The following SUSD1 variants were observed in gnomAD, a reference collection of about 807,000 sequenced individuals.
The protein encoded by SUSD1 is sushi domain containing 1.
In SUSD1, 65 loss-of-function variants were observed where a neutral mutation model predicts 86.9. The observed-to-expected ratio is 0.75, with a 90% confidence interval of 0.61 to 0.92. SUSD1 has a LOEUF of 0.92. Ranked by LOEUF, SUSD1 falls within the 40% of genes least tolerant of loss-of-function variation. The probability of loss-of-function intolerance (pLI) is 0.00; values close to 1 mark genes in which losing one functional copy is unlikely to be tolerated. For synonymous variants in SUSD1, 346 were observed against 350.0 expected (o/e 0.99, Z 0.13); for missense variants, 850 against 929.7 (o/e 0.91, Z 1.11).
intron 10 of SUSD1, among the ~76,000 whole-genome samples, chr9:112,087,105 A>T (rs1830018015): frequency 6.6e-6 from 1 of 152,096 alleles, no homozygotes; most frequent in African/African-American, 2.4e-5. Context: ...TACATTAATA[A>T]ACTGAAATAA....
chr9:112,122,847 T>C (rs1831608750), intron 6 of SUSD1, among the ~76,000 whole-genome samples: 1 of 152,232 alleles, frequency 6.6e-6, no homozygotes, highest in Non-Finnish European at 1.5e-5. Context: ...AAAGACATTA[T>C]GCTTAGTGAA....
intron 8 of SUSD1, among the ~76,000 whole-genome samples, chr9:112,105,131 C>T (rs1830782839): frequency 6.6e-6 from 1 of 151,874 alleles, no homozygotes; most frequent in African/African-American, 2.4e-5. Context: ...GAAAGTGCAA[C>T]AGCAGAATTT....
At chr9:112,171,390 G>T (rs1432668586) in intron 1 of SUSD1, among the ~76,000 whole-genome samples, 1 of 152,116 alleles carries the variant, frequency 6.6e-6, no homozygotes, top group African/African-American at 2.4e-5. Flanking sequence ...TGTTTGGATG[G>T]TATTCATTTA....
intron 2 of SUSD1, among the ~76,000 whole-genome samples, chr9:112,151,864 G>A (rs1201207100): frequency 6.0e-5 from 9 of 151,070 alleles, no homozygotes; most frequent in South Asian, 2.1e-4. Context: ...GAGAAACCCC[G>A]TCTCTACTAA....
chr9:112,058,532 T>A lies in SUSD1; in HGVS notation c.2005A>T (p.Ile669Leu), dbSNP rs780823193. 2 of 1,614,050 alleles carry A rather than the reference T, an allele frequency of 1.2e-6. No individual in the cohort carries two copies. The highest frequency in any genetic ancestry group is 1.7e-6 in the Non-Finnish European group (2 of 1,180,018). Residue 669 changes from isoleucine to leucine, a missense_variant, in exon 14 of 17, where the codon ATA becomes TTA. Transcript: ENST00000374270. Reference protein sequence around the residue: ...AKDVPDDAMEIPIGDRLYYGE... With the variant: ...AKDVPDDAMELPIGDRLYYGE... ...TAGTACAGCCTGTCTCCTATAGGTATCTCCATGGCATCATCTGGAACATCT... is the reference window on the plus strand; with the variant it reads ...TAGTACAGCCTGTCTCCTATAGGTAACTCCATGGCATCATCTGGAACATCT...
At position 112,092,716 on chromosome 9, in the gene SUSD1, C is replaced by G. The variant is rs865967139; in HGVS notation, c.1474+5754G>C. On this transcript the variant is annotated intron_variant, in intron 10 of 16. Transcript: ENST00000374270. Reference sequence around the variant, plus strand: ...AGAAATAAGACAGAATATAAATACTCTTTTGTTTTAAAAAATTCTACATTT... The same window carrying G: ...AGAAATAAGACAGAATATAAATACTGTTTTGTTTTAAAAAATTCTACATTT... 2.0e-5 allele frequency among the ~76,000 whole-genome samples: 3 copies of G among 152,232 alleles called. No individual in the cohort carries two copies. The South Asian group carries it at 6.2e-4, about 32-fold the overall frequency.
chr9:112,052,011 AGCTATGTTTT>A, intron 15 of SUSD1: 2 of 537,726 alleles, frequency 3.7e-6, no homozygotes, highest in South Asian at 4.8e-5. Flanking sequence ...CGAATTGAAA[AGCTATGTTTT>A]CCCAGTGAAA....
intron 6 of SUSD1, among the ~76,000 whole-genome samples, chr9:112,115,275 C>G (rs1831264954): frequency 6.6e-6 from 1 of 152,210 alleles, no homozygotes; most frequent in Non-Finnish European, 1.5e-5. Context: ...GAGTTTATAT[C>G]TTTACTAAAT....
chr9:112,063,575 C>T (rs1828828920), intron 12 of SUSD1, among the ~76,000 whole-genome samples: 1 of 152,146 alleles, frequency 6.6e-6, no homozygotes, highest in Admixed American at 6.5e-5. Flanking sequence ...CCACATCAGC[C>T]TTCAATATCC....
intron 8 of SUSD1, among the ~76,000 whole-genome samples, chr9:112,103,894 C>G (rs1261631236): frequency 1.3e-5 from 2 of 152,166 alleles, no homozygotes; most frequent in Non-Finnish European, 2.9e-5. Flanking sequence ...AGACAGGTCA[C>G]AAGACAAATC....
At chr9:112,091,108 T>C (rs1023585698) in intron 10 of SUSD1, among the ~76,000 whole-genome samples, 4 of 152,216 alleles carry the variant, frequency 2.6e-5, no homozygotes, top group African/African-American at 9.6e-5. Flanking sequence ...ATTCAGATGA[T>C]TGTATATTCC....
chr9:112,149,970 A>G (rs1338697721), intron 2 of SUSD1, among the ~76,000 whole-genome samples: 1 of 152,232 alleles, frequency 6.6e-6, no homozygotes, highest in East Asian at 1.9e-4. Flanking sequence ...AGAGGCCTGG[A>G]ACATGGATGC....
intron 12 of SUSD1, among the ~76,000 whole-genome samples, chr9:112,064,822 G>A (rs912902440): frequency 8.0e-5 from 12 of 149,598 alleles, no homozygotes; most frequent in African/African-American, 3.0e-4. Context: ...GTTGCAGTGA[G>A]CCAAGATCAT....
At chr9:112,089,453 A>G (rs1312490338) in intron 10 of SUSD1, among the ~76,000 whole-genome samples, 1 of 152,356 alleles carries the variant, frequency 6.6e-6, no homozygotes, top group East Asian at 1.9e-4. Flanking sequence ...AAAAGCCACA[A>G]GTCACAATGA....
chr9:112,145,005 C>T (rs918178412), intron 3 of SUSD1, among the ~76,000 whole-genome samples: 1 of 152,104 alleles, frequency 6.6e-6, no homozygotes, highest in African/African-American at 2.4e-5. Context: ...GCTCAAGAGG[C>T]TGAGGCAGGA....
At chr9:112,067,682 T>C (rs1439538030) in intron 12 of SUSD1, among the ~76,000 whole-genome samples, 1 of 152,176 alleles carries the variant, frequency 6.6e-6, no homozygotes, top group Non-Finnish European at 1.5e-5. Context: ...GAATCCCCTT[T>C]AGACCCTGGA....
intron 10 of SUSD1, among the ~76,000 whole-genome samples, chr9:112,082,284 T>A (rs138144688): frequency 6.6e-6 from 1 of 152,284 alleles, no homozygotes; most frequent in Admixed American, 6.5e-5. Context: ...TATGGTAGGT[T>A]AAATAATGAC....
chr9:112,168,179 C>A (rs1050867644), intron 1 of SUSD1, among the ~76,000 whole-genome samples: 6 of 152,140 alleles, frequency 3.9e-5, no homozygotes, highest in Admixed American at 3.9e-4. Flanking sequence ...AACCACTCAA[C>A]GACTCTTTGT....
At chr9:112,128,868 A>G (rs999414877) in intron 5 of SUSD1, among the ~76,000 whole-genome samples, 3 of 152,228 alleles carry the variant, frequency 2.0e-5, no homozygotes, top group Admixed American at 6.5e-5. Flanking sequence ...AGTTAGTGAG[A>G]GGGAGACTGG....
Sources: gnomAD v4.1 joint callset for allele counts (sites outside exome capture counted in the v4.1 genomes callset) on GRCh38, gnomAD v4.1.1 for gene constraint, MANE v1.5 for transcripts, NCBI Gene and HGNC (gene_info 2026-07-23, HGNC 2026-07-21) for gene names.